CLUAP1: variants seen among roughly 807,000 people sequenced by gnomAD.
The protein encoded by CLUAP1 is intraflagellar transport 38.
Under a neutral mutation model 55.0 loss-of-function variants are expected in CLUAP1, and 50 were observed. The observed-to-expected ratio is 0.91, with a 90% CI of 0.72 to 1.15. CLUAP1 has a LOEUF of 1.15. Among genes scored for constraint, CLUAP1 ranks in the 50% most tolerant of loss-of-function variants. The pLI, the probability that CLUAP1 is intolerant of heterozygous loss-of-function variation, is 0.00. For missense variants in CLUAP1, 530 were observed against 507.6 expected (o/e 1.04, Z -0.42); for synonymous variants, 195 against 175.4 (o/e 1.11, Z -0.88).
At chr16:3,512,186 C>CAAAA (rs1210287851) in intron 4 of CLUAP1, among the ~76,000 whole-genome samples, 197 bp from the exon 5 acceptor site, 3 of 79,898 alleles carry the variant, frequency 3.8e-5, no homozygotes, top group Admixed American at 2.9e-4. Flanking sequence ...AACTCCGTCT[C>CAAAA]AAAAAAAAAA....
chr16:3,521,983 C>G (rs2037846885), intron 7 of CLUAP1, among the ~76,000 whole-genome samples: 1 of 151,942 alleles, frequency 6.6e-6, no homozygotes, highest in Non-Finnish European at 1.5e-5. Flanking sequence ...CACCTGAGCC[C>G]AGGCGTTCGA....
chr16:3,496,750 C>T (rs368783900), upstream of CLUAP1: 2 of 503,728 alleles, frequency 4.0e-6, no homozygotes, highest in Non-Finnish European at 3.9e-6. Flanking sequence ...GCCTACGGGC[C>T]AGCCGAGGCT....
At chr16:3,510,943 G>C (rs1230562275) in intron 4 of CLUAP1, among the ~76,000 whole-genome samples, 1 of 152,194 alleles carries the variant, frequency 6.6e-6, no homozygotes, top group East Asian at 1.9e-4. Context: ...TGGGAGCTGG[G>C]GAGCAATCAG....
In CLUAP1 at chr16:3,538,919, G is replaced by A. The variant is rs2151076522; in HGVS notation, c.*2648G>A. 1 of 152,220 alleles carries A rather than the reference G, an allele frequency of 6.6e-6. No homozygotes were observed. Among genetic ancestry groups the A allele is most frequent in the East Asian group, 1.9e-4 (1 of 5,180 alleles). The allele number at this position is 152,220 out of a possible 1,614,324, so 9.4% of individuals were successfully genotyped here. A position where few individuals can be genotyped will look rare whatever the true frequency, so the allele number is the denominator to read the frequency against. ...CTCAGGACCTAACGAGGATGGTTGT[G>A]ATTAGGTCAAATAGAAAACTAGCAG... On this transcript the variant is annotated 3_prime_UTR_variant, in exon 12 of 12. Transcript: ENST00000576634.
In CLUAP1 at chr16:3,530,612, G is replaced by A. The variant is rs150916313; in HGVS notation, c.973G>A (p.Asp325Asn). ...AGACATCCAGGAGGACGATGAATCCGACAGTGAGTTGGAAGAAAGGCGGCT... is the reference window on the plus strand; with the variant it reads ...AGACATCCAGGAGGACGATGAATCCAACAGTGAGTTGGAAGAAAGGCGGCT... Reference protein sequence around the residue: ...DIDIQEDDESDSELEERRLPK... With the variant: ...DIDIQEDDESNSELEERRLPK... Residue 325 changes from aspartate to asparagine, a missense_variant, in exon 10 of 12, where the codon GAC becomes AAC. By Grantham distance (23) the Asp-to-Asn change is conservative (BLOSUM62 1). Transcript: ENST00000576634. 54 of 1,613,850 alleles carry A rather than the reference G, an allele frequency of 3.3e-5. No homozygotes were observed. In the African/African-American group the frequency reaches 4.5e-4, roughly 14 times the overall value.
chr16:3,505,971 CTT>C (rs1429188471), intron 2 of CLUAP1, among the ~76,000 whole-genome samples: 2 of 152,196 alleles, frequency 1.3e-5, no homozygotes, highest in Non-Finnish European at 2.9e-5. Flanking sequence ...AAGAAAATAA[CTT>C]CACCAACTCT....
upstream of CLUAP1, chr16:3,496,488 G>A: frequency 1.4e-6 from 1 of 710,098 alleles, no homozygotes; most frequent in Non-Finnish European, 2.4e-6. Flanking sequence ...GGTTCAGGAG[G>A]TGCCCAAACT....
chr16:3,529,144 A>T (rs2038006415), intron 9 of CLUAP1, among the ~76,000 whole-genome samples: 1 of 151,772 alleles, frequency 6.6e-6, no homozygotes, highest in Non-Finnish European at 1.5e-5. Context: ...ACATCCTCCC[A>T]TATACTTTAA....
In CLUAP1 at chr16:3,501,015, G is replaced by A; in HGVS notation, c.-53G>A. On this transcript the variant is annotated 5_prime_UTR_variant, in exon 1 of 12. Transcript: ENST00000576634. ...AGAGATCGTCGAGCGCTGGGCCTGT[G>A]ATCGCTGAGGGGCGAGCAGTTGCGA... 1 of 1,577,334 alleles carries A rather than the reference G, an allele frequency of 6.3e-7. No homozygotes were observed. Among genetic ancestry groups the A allele is most frequent in the Non-Finnish European group, 8.6e-7 (1 of 1,162,278 alleles).
chr16:3,530,706 C>T (rs1338907729), intron 10 of CLUAP1, 31 bp downstream of exon 10: 2 of 1,561,188 alleles, frequency 1.3e-6, no homozygotes, highest in Non-Finnish European at 1.8e-6. Flanking sequence ...GGACTTCCTC[C>T]CTGCGCCCTG....
rs1398463747 is a variant in CLUAP1, at chr16:3,508,439, A to C, written c.370A>C (p.Asn124His). 6.3e-7 allele frequency: 1 copy of C among 1,583,824 alleles called. No individual in the cohort carries two copies. The highest frequency in any genetic ancestry group is 8.5e-7 in the Non-Finnish European group (1 of 1,172,220). Residue 124 changes from asparagine to histidine, a missense_variant, in exon 4 of 12, where the codon AAC (asparagine) becomes CAC (histidine). Physicochemically the swap from Asn to His is moderately conservative, Grantham distance 68. Transcript: ENST00000576634. ...CTCTGAAATAGTAGAGGAAGATGTC[A>C]ACAAGTTCAAGTTTGATCTTGGCTC... ...EGSEIVEEDVNKFKFDLGSKI... is the reference protein window; with the variant it reads ...EGSEIVEEDVHKFKFDLGSKI...
At chr16:3,521,490 A>G (rs1366325110) in intron 7 of CLUAP1, among the ~76,000 whole-genome samples, 1 of 150,064 alleles carries the variant, frequency 6.7e-6, no homozygotes, top group African/African-American at 2.5e-5. Flanking sequence ...GCTGGAGTGC[A>G]ATGGCGCGAT....
the CLUAP1 span, chr16:3,495,647 G>T: frequency 4.1e-6 from 2 of 483,950 alleles, no homozygotes; most frequent in Non-Finnish European, 5.4e-6. Context: ...CCTGGGGGAA[G>T]TCCCTGGTCC....
Position 3,529,801 on chromosome 16 carries a change from A to G in CLUAP1, c.929-767A>G, listed in dbSNP as rs2038070076. ...TATATTATATAATATATATTATATT[A>G]TTATATATATATTATAATATAATAT... is the stretch of plus-strand genomic sequence containing the variant. On this transcript the variant is annotated intron_variant, in intron 9 of 11. Transcript: ENST00000576634. Among the ~76,000 whole-genome samples, 2 of 25,724 alleles carry G rather than the reference A, an allele frequency of 7.8e-5. 1 individual carries two copies. Among genetic ancestry groups the G allele is most frequent in the South Asian group, 2.4e-3 (2 of 850 alleles). The allele number at this position is 25,724 out of a possible 152,430, so 16.9% of individuals were successfully genotyped here.
chr16:3,529,198 A>G (rs1409217188), intron 9 of CLUAP1, among the ~76,000 whole-genome samples: 1 of 151,204 alleles, frequency 6.6e-6, no homozygotes, highest in African/African-American at 2.4e-5. Context: ...ATGCCTATAC[A>G]TCACTTCATT....
intron 5 of CLUAP1, among the ~76,000 whole-genome samples, chr16:3,512,795 C>T (rs1429910303): frequency 1.3e-5 from 2 of 152,208 alleles, no homozygotes; most frequent in Non-Finnish European, 2.9e-5. Flanking sequence ...ATTCTCCTGC[C>T]TCAGCCTCCC....
intron 11 of CLUAP1, 134 bp downstream of exon 11, chr16:3,532,975 G>T: frequency 7.5e-7 from 1 of 1,331,706 alleles, no homozygotes; most frequent in Non-Finnish European, 1.1e-6. Context: ...ATGCGTGGCA[G>T]GGTTTGGCCT....
In CLUAP1 at chr16:3,519,949, A is replaced by T; in HGVS notation, c.626A>T (p.Asp209Val). The T allele has an allele frequency of 1.2e-6, 2 of 1,613,838 alleles. No homozygotes were observed. The highest frequency in any genetic ancestry group is 1.7e-6 in the Non-Finnish European group (2 of 1,179,912). Residue 209 changes from aspartate (D) to valine (V), a missense_variant, in exon 7 of 12, where the codon GAT becomes GTT. Transcript: ENST00000576634. Reference sequence around the variant, plus strand: ...GACCTGCTCAATAATGTGGCCTCTGATGAAGCTAATTTAGAAGCCAAAATC... The same window carrying T: ...GACCTGCTCAATAATGTGGCCTCTGTTGAAGCTAATTTAGAAGCCAAAATC... ...TKDLLNNVASDEANLEAKIEK... is the reference protein window; with the variant it reads ...TKDLLNNVASVEANLEAKIEK...
intron 11 of CLUAP1, chr16:3,533,366 G>C (rs568268036): frequency 3.5e-6 from 2 of 567,346 alleles, no homozygotes; most frequent in Non-Finnish European, 6.3e-6. Context: ...AGCTCAGGCC[G>C]GGCCATCCTC....
Sources: allele counts gnomAD v4.1 joint callset (sites outside exome capture counted in the v4.1 genomes callset), GRCh38; gene constraint gnomAD v4.1.1; transcripts MANE v1.5; gene names NCBI Gene and HGNC (gene_info 2026-07-23, HGNC 2026-07-21).